Variants in BAZ2B observed in about 807,000 individuals in gnomAD.
BAZ2B encodes the protein bromodomain adjacent to zinc finger domain protein 2B.
BAZ2B carries 91 observed loss-of-function variants against 246.0 expected under a neutral mutation model. The ratio of observed to expected loss-of-function variants is 0.37; its 90% CI spans 0.31 to 0.44. The LOEUF (loss-of-function observed/expected upper bound fraction) is 0.44, where lower values mean the gene tolerates loss of function less well. Among genes scored for constraint, BAZ2B ranks in the 20% least tolerant of loss-of-function variants. The probability of loss-of-function intolerance (pLI) is 1.00; values close to 1 mark genes in which losing one functional copy is unlikely to be tolerated. For missense variants in BAZ2B, 2,332 were observed against 2,533.7 expected (o/e 0.92, Z 1.71); for synonymous variants, 855 against 860.0 (o/e 0.99, Z 0.10).
chr2:159,576,369 T>C (rs935226531), intron 1 of BAZ2B, among the ~76,000 whole-genome samples: 2 of 151,966 alleles, frequency 1.3e-5, no homozygotes, highest in Admixed American at 1.3e-4. Context: ...ATCAGTCTGG[T>C]CAACAAAGTG....
chr2:159,692,461 T>C, the BAZ2B span, among the ~76,000 whole-genome samples: 1 of 152,132 alleles, frequency 6.6e-6, no homozygotes, highest in Admixed American at 6.5e-5. Flanking sequence ...CCTGGCTTCT[T>C]AATTTTTTTC....
intron 13 of BAZ2B, among the ~76,000 whole-genome samples, chr2:159,418,112 G>C (rs1281653261): frequency 6.6e-6 from 1 of 152,124 alleles, no homozygotes; most frequent in East Asian, 1.9e-4. Flanking sequence ...GGAATTAAGT[G>C]GCAATGATGT....
chr2:159,694,794 G>A, the BAZ2B span: 3 of 152,168 alleles, frequency 2.0e-5, no homozygotes, highest in Non-Finnish European at 2.9e-5. Flanking sequence ...TTTGTGTATA[G>A]GGTTTTGTGT....
chr2:159,606,882 A>T (rs1395403547), intron 1 of BAZ2B, among the ~76,000 whole-genome samples: 2 of 151,800 alleles, frequency 1.3e-5, no homozygotes, highest in Non-Finnish European at 2.9e-5. Context: ...AAAATTTTTT[A>T]AATCTTTCCT....
At chr2:159,538,009 T>C (rs1023737313) in intron 2 of BAZ2B, among the ~76,000 whole-genome samples, 5 of 152,116 alleles carry the variant, frequency 3.3e-5, no homozygotes, top group African/African-American at 1.2e-4. Flanking sequence ...TGTTTGTTTG[T>C]TTGTTTAGGA....
At chr2:159,535,130 G>A (rs1248212417) in intron 2 of BAZ2B, among the ~76,000 whole-genome samples, 1 of 143,250 alleles carries the variant, frequency 7.0e-6, no homozygotes, top group African/African-American at 3.0e-5. Context: ...AAATTGGCAA[G>A]TGCTACATAT....
At chr2:159,533,449 G>C (rs917375186) in intron 2 of BAZ2B, among the ~76,000 whole-genome samples, 6 of 152,152 alleles carry the variant, frequency 3.9e-5, no homozygotes, top group Admixed American at 1.3e-4. Context: ...CAAAATGAAA[G>C]TGCTAAACTT....
Position 159,599,574 on chromosome 2 carries a change from T to G in BAZ2B, c.-46+16668A>C, listed in dbSNP as rs535649722. Among the ~76,000 whole-genome samples, 6 of 150,834 alleles carry G rather than the reference T, an allele frequency of 4.0e-5. No individual in the cohort carries two copies. In the East Asian group the frequency reaches 1.2e-3, roughly 29 times the overall value. ...TGGAGGTTGCTGTGGGCCGACATTG[T>G]GCCACTGCACTCCAGCCTGGGCAAC... On this transcript the variant is annotated intron_variant, in intron 1 of 36. Coordinates refer to ENST00000392783, the MANE Select transcript of BAZ2B (RefSeq NM_013450.4).
chr2:159,539,167 C>A (rs554998738), intron 2 of BAZ2B, among the ~76,000 whole-genome samples: 1 of 152,292 alleles, frequency 6.6e-6, no homozygotes, highest in South Asian at 2.1e-4. Context: ...CTCTACTGTG[C>A]CATCTACCAC....
chr2:159,347,666 A>G lies in BAZ2B; in HGVS notation c.5294-20T>C. 1 of 1,563,772 alleles carries G rather than the reference A, an allele frequency of 6.4e-7. No individual in the cohort carries two copies. The highest frequency in any genetic ancestry group is 8.7e-7 in the Non-Finnish European group (1 of 1,147,180). ...TAGCAACTACATTTAAAAAGAAATTAATTTAAAAATCCACTTATTAAGCTT... is the reference window on the plus strand; with the variant it reads ...TAGCAACTACATTTAAAAAGAAATTGATTTAAAAATCCACTTATTAAGCTT... On this transcript the variant is annotated intron_variant, in intron 30 of 36. Transcript: ENST00000392783.
At chr2:159,398,718 A>G in intron 18 of BAZ2B, 111 bp downstream of exon 18, 2 of 943,892 alleles carry the variant, frequency 2.1e-6, no homozygotes, top group South Asian at 3.4e-5. Context: ...TGCTAAACAT[A>G]TTTTCAGATA....
intron 36 of BAZ2B, 124 bp downstream of exon 36, chr2:159,324,687 C>T (rs1228357648): frequency 3.4e-6 from 1 of 290,788 alleles, no homozygotes; most frequent in African/African-American, 3.0e-5. Flanking sequence ...CACACACACA[C>T]ACCTGCCTCA....
chr2:159,574,602 C>T (rs1684845700), intron 1 of BAZ2B, among the ~76,000 whole-genome samples: 1 of 152,020 alleles, frequency 6.6e-6, no homozygotes, highest in Non-Finnish European at 1.5e-5. Flanking sequence ...TTCACAGCAA[C>T]ATTATTCATA....
intron 3 of BAZ2B, among the ~76,000 whole-genome samples, chr2:159,476,145 G>A (rs965009776): frequency 2.0e-5 from 3 of 152,182 alleles, no homozygotes; most frequent in East Asian, 1.9e-4. Flanking sequence ...GCCCACAGCC[G>A]CACATTCCCC....
intron 36 of BAZ2B, among the ~76,000 whole-genome samples, chr2:159,322,999 T>C (rs1166823158): frequency 6.6e-6 from 1 of 151,594 alleles, no homozygotes; most frequent in African/African-American, 2.4e-5. Context: ...TGTAGCTTTT[T>C]TTTTTTTTTT....
Position 159,428,414 on chromosome 2 carries a change from T to C in BAZ2B, c.2261A>G (p.Gln754Arg), listed in dbSNP as rs2070397815. 1 of 1,611,392 alleles carries C rather than the reference T, an allele frequency of 6.2e-7. No individual in the cohort carries two copies. Among genetic ancestry groups the C allele is most frequent in the Non-Finnish European group, 8.5e-7 (1 of 1,178,226 alleles). Residue 754 changes from glutamine (Q) to arginine (R), a missense_variant, in exon 12 of 37, where the codon CAG (glutamine) becomes CGG (arginine). Transcript: ENST00000392783. ...ELRIPLEYGW[Q>R]RETRIRNFGG... ...AAAGTTTCTTATTCTTGTCTCTCTCTGCCAGCTACACATAACAGAAATGAA... is the reference window on the plus strand; with the variant it reads ...AAAGTTTCTTATTCTTGTCTCTCTCCGCCAGCTACACATAACAGAAATGAA...
chr2:159,572,623 T>C (rs761335576), intron 1 of BAZ2B, among the ~76,000 whole-genome samples: 13 of 152,232 alleles, frequency 8.5e-5, no homozygotes, highest in Non-Finnish European at 1.2e-4. Flanking sequence ...TTATTATGCA[T>C]AGGCATGTTT....
Position 159,576,832 on chromosome 2 carries a change from G to A in BAZ2B, c.-45-20967C>T, listed in dbSNP as rs1327632856. On this transcript the variant is annotated intron_variant, in intron 1 of 36. Coordinates refer to ENST00000392783, the MANE Select transcript of BAZ2B (RefSeq NM_013450.4). Reference sequence around the variant, plus strand: ...GGAGGCTGAGGCAGGAGAATCGCTTGAACCCAGGAGGCAGAGGTTGCGGTG... The same window carrying A: ...GGAGGCTGAGGCAGGAGAATCGCTTAAACCCAGGAGGCAGAGGTTGCGGTG... 3.5e-5 allele frequency among the ~76,000 whole-genome samples: 5 copies of A among 141,788 alleles called. No homozygotes were observed. In the Admixed American group the frequency reaches 3.7e-4, roughly 11 times the overall value. 93.0% of individuals were successfully genotyped at this position (141,788 alleles called of 152,430 possible).
the BAZ2B span, among the ~76,000 whole-genome samples, chr2:159,698,972 A>G: frequency 6.6e-6 from 1 of 152,210 alleles, no homozygotes; most frequent in Non-Finnish European, 1.5e-5. Context: ...AGCAATTTAA[A>G]ACACAAAAAA....
Sources: allele counts gnomAD v4.1 joint callset (sites outside exome capture counted in the v4.1 genomes callset), GRCh38; gene constraint gnomAD v4.1.1; transcripts MANE v1.5; gene names NCBI Gene and HGNC (gene_info 2026-07-23, HGNC 2026-07-21).